SLIT3: variants seen among roughly 807,000 people sequenced by gnomAD.
The protein encoded by SLIT3 is slit guidance ligand 3, also known as slit homolog 3 protein.
SLIT3 carries 68 observed loss-of-function variants against 184.0 expected under a neutral mutation model. The observed-to-expected ratio is 0.37, with a 90% CI of 0.30 to 0.45. SLIT3 has a LOEUF of 0.45. SLIT3 is among the 20% of genes least tolerant of loss of function. SLIT3 has a pLI of 1.00. For missense variants in SLIT3, 1,707 were observed against 2,026.0 expected (o/e 0.84, Z 3.02); for synonymous variants, 831 against 828.6 (o/e 1.00, Z -0.05).
At chr5:169,205,337 T>A (rs1435242995) in intron 3 of SLIT3, among the ~76,000 whole-genome samples, 1 of 152,216 alleles carries the variant, frequency 6.6e-6, no homozygotes, top group African/African-American at 2.4e-5. Context: ...AGTCCTAAGA[T>A]GACCTATTCT....
At chr5:169,050,260 A>G in intron 4 of SLIT3, among the ~76,000 whole-genome samples, 1 of 152,210 alleles carries the variant, frequency 6.6e-6, no homozygotes. Context: ...CTCCTCATGC[A>G]CAAATCCCCA....
At chr5:169,129,199 C>T (rs1481958322) in intron 4 of SLIT3, among the ~76,000 whole-genome samples, 3 of 152,058 alleles carry the variant, frequency 2.0e-5, no homozygotes, top group South Asian at 4.2e-4. Context: ...GTAAGATGCC[C>T]CTCTCTAATG....
rs377458140 is a variant in SLIT3 at position 168,853,125 on chromosome 5, T to C, written c.486-8470A>G. Among the ~76,000 whole-genome samples, 337 of 152,322 alleles carry C rather than the reference T, an allele frequency of 2.2e-3. 3 individuals are homozygous for C. The highest frequency in any genetic ancestry group is 7.4e-3 in the African/African-American group (308 of 41,570). ...CCATCCCAGACCAAAGAATCTATTA[T>C]TTGAGATATTCAATATATTCTTTCT... is the stretch of plus-strand genomic sequence containing the variant. On this transcript the variant is annotated intron_variant, in intron 5 of 35. Coordinates refer to ENST00000519560, the MANE Select transcript of SLIT3 (RefSeq NM_003062.4).
At chr5:169,082,284 A>G (rs774835779) in intron 4 of SLIT3, among the ~76,000 whole-genome samples, 2 of 152,196 alleles carry the variant, frequency 1.3e-5, no homozygotes, top group Admixed American at 6.5e-5. Context: ...ACAGACATTG[A>G]AGACACACGG....
intron 4 of SLIT3, among the ~76,000 whole-genome samples, chr5:169,014,822 A>T (rs555304848): frequency 2.2e-4 from 34 of 152,284 alleles, no homozygotes; most frequent in African/African-American, 7.7e-4. Flanking sequence ...GTGGTGGCAC[A>T]TGCCTGTAGT....
chr5:168,755,452 A>C (rs866398859), intron 16 of SLIT3, among the ~76,000 whole-genome samples: 11 of 87,400 alleles, frequency 1.3e-4, no homozygotes, highest in South Asian at 4.3e-4. Context: ...TTTCTTTTTG[A>C]GACAGAATTT....
chr5:168,813,405 G>A lies in SLIT3; in HGVS notation c.793+3895C>T, dbSNP rs1482378724. On this transcript the variant is annotated intron_variant, in intron 8 of 35. Transcript: ENST00000519560. ...CATGAACTTTGATAAAGTTCTGGTC[G>A]GGTTCAGGCCACAAGCAACCAGACA... 7.9e-5 allele frequency among the ~76,000 whole-genome samples: 12 copies of A among 151,570 alleles called. No homozygotes were observed. In the South Asian group the frequency reaches 1.3e-3, roughly 16 times the overall value.
intron 4 of SLIT3, among the ~76,000 whole-genome samples, chr5:168,892,633 G>A (rs752323792): frequency 1.3e-5 from 2 of 152,178 alleles, no homozygotes; most frequent in Admixed American, 1.3e-4. Flanking sequence ...ATACCTCTTT[G>A]CAGCCATAGG....
At chr5:168,798,024 G>T (rs373430784) in intron 9 of SLIT3, among the ~76,000 whole-genome samples, 1 of 152,188 alleles carries the variant, frequency 6.6e-6, no homozygotes, top group South Asian at 2.1e-4. Flanking sequence ...TCAGGGAAAA[G>T]CTGCAGGAGC....
chr5:168,938,700 G>A (rs987317743), intron 4 of SLIT3, among the ~76,000 whole-genome samples: 7 of 151,998 alleles, frequency 4.6e-5, no homozygotes, highest in East Asian at 1.9e-4. Flanking sequence ...GCCTGATCTC[G>A]GCTCACTGCA....
intron 3 of SLIT3, among the ~76,000 whole-genome samples, chr5:169,223,209 T>G (rs1764676492): frequency 6.6e-6 from 1 of 152,182 alleles, no homozygotes; most frequent in Non-Finnish European, 1.5e-5. Context: ...GAAATACCTC[T>G]GTAAATGACT....
intron 4 of SLIT3, among the ~76,000 whole-genome samples, chr5:169,041,560 T>C (rs1757450720): frequency 6.6e-6 from 1 of 152,232 alleles, no homozygotes; most frequent in African/African-American, 2.4e-5. Context: ...TTCCATAGAA[T>C]AATTAGTCCT....
chr5:168,924,774 A>C (rs9313428), intron 4 of SLIT3, among the ~76,000 whole-genome samples: 8,318 of 152,214 alleles, frequency 0.055, 470 homozygotes, highest in African/African-American at 0.14. Context: ...TGGCATCTCA[A>C]AGTATTAGGA....
rs188354701 is a variant in SLIT3 at position 169,300,016 on chromosome 5, C to T, written c.197+497G>A. Among the ~76,000 whole-genome samples, 24 of 152,368 alleles carry T rather than the reference C, an allele frequency of 1.6e-4. No individual in the cohort carries two copies. Among genetic ancestry groups the T allele is most frequent in the Admixed American group, 1.0e-3 (16 of 15,312 alleles). ...GAAGTTAAACCTTCACCCACACTCT[C>T]AACTTTCCTTGCAAGGGCAGCCAGA... On this transcript the variant is annotated intron_variant, in intron 1 of 35. Transcript: ENST00000519560. The surrounding 1 kb of genome is among the most constrained non-coding windows in gnomAD (Gnocchi z 4.1).
intron 25 of SLIT3, among the ~76,000 whole-genome samples, chr5:168,709,764 A>G (rs1477223335): frequency 2.6e-5 from 4 of 152,220 alleles, no homozygotes; most frequent in African/African-American, 9.6e-5. Flanking sequence ...AACTGTGTAT[A>G]CAAATGAAAA....
intron 4 of SLIT3, among the ~76,000 whole-genome samples, chr5:168,891,878 C>T (rs982542883): frequency 8.5e-5 from 13 of 152,086 alleles, no homozygotes; most frequent in South Asian, 2.1e-4. Flanking sequence ...ATGAGGAAGT[C>T]GGGCTGCATG....
chr5:168,976,898 C>T (rs193105625), intron 4 of SLIT3, among the ~76,000 whole-genome samples: 14 of 152,344 alleles, frequency 9.2e-5, no homozygotes, highest in African/African-American at 3.1e-4. Flanking sequence ...TAAAAGGACC[C>T]GTTTCCCTTC....
intron 4 of SLIT3, among the ~76,000 whole-genome samples, chr5:169,123,021 T>A (rs1760939570): frequency 6.6e-6 from 1 of 152,030 alleles, no homozygotes; most frequent in Non-Finnish European, 1.5e-5. Flanking sequence ...ACCAAAATGA[T>A]TAATGGGAAA....
In SLIT3 at chr5:169,009,432, G is replaced by A. The variant is rs146229610; in HGVS notation, c.414-126096C>T. ...GCAAACAGGCTCTTCCCTCCTCGCC[G>A]AAAAGCAAGCACGCTGTGTAGTCAC... On this transcript the variant is annotated intron_variant, in intron 4 of 35. Transcript: ENST00000519560. Among the ~76,000 whole-genome samples, 20 of 152,304 alleles carry A rather than the reference G, an allele frequency of 1.3e-4. No individual in the cohort carries two copies. The East Asian group carries it at 3.1e-3, about 24-fold the overall frequency.
Sources: gnomAD v4.1 joint callset for allele counts (sites outside exome capture counted in the v4.1 genomes callset) on GRCh38, gnomAD v4.1.1 for gene constraint, Gnocchi (gnomAD v3.1) non-coding constraint, MANE v1.5 for transcripts, NCBI Gene and HGNC (gene_info 2026-07-23, HGNC 2026-07-21) for gene names.